The following GPA33 variants were observed in gnomAD, a reference collection of about 807,000 sequenced individuals.
GPA33 encodes cell surface A33 antigen.
Under a neutral mutation model 35.6 loss-of-function variants are expected in GPA33, and 27 were observed. The observed-to-expected ratio is 0.76, with a 90% CI of 0.56 to 1.04. GPA33 has a LOEUF of 1.04. GPA33 is among the 50% of genes least tolerant of loss of function. The pLI is 0.00. For synonymous variants in GPA33, 176 were observed against 164.0 expected, an observed-to-expected ratio of 1.07 and a Z score of -0.56; for missense variants, 428 against 411.9, an observed-to-expected ratio of 1.04 and a Z score of -0.34.
Position 167,063,647 on chromosome 1 carries a change from G to A in GPA33, c.506C>T (p.Pro169Leu), listed in dbSNP as rs747479502. The change falls in exon 4 of 7, where the codon CCA becomes CTA. Residue 169 changes from proline to leucine, a missense_variant. Transcript: ENST00000367868. Reference sequence around the variant, plus strand: ...CCTCTTCCAGCTGTACTGAGGGGTTGGTGAGCCCTCCTTTGATTGGCAGGT... The same window carrying A: ...CCTCTTCCAGCTGTACTGAGGGGTTAGTGAGCCCTCCTTTGATTGGCAGGT... The part of the protein sequence containing the change: ...QLTCQSKEGS[P>L]TPQYSWKRYN... The A allele has an allele frequency of 6.2e-7, 1 of 1,613,624 alleles. No homozygotes were observed. Among genetic ancestry groups the A allele is most frequent in the South Asian group, 1.1e-5 (1 of 91,046 alleles).
Position 167,068,770 on chromosome 1 carries a change from C to A in GPA33, c.415+152G>T, listed in dbSNP as rs1465236855. The A allele has an allele frequency of 8.1e-6, 5 of 616,600 alleles. No individual in the cohort carries two copies. The East Asian group carries it at 1.4e-4, about 17-fold the overall frequency. 38.2% of individuals were successfully genotyped at this position (616,600 alleles called of 1,614,324 possible). A position where few individuals can be genotyped will look rare whatever the true frequency, so the allele number is the denominator to read the frequency against. On this transcript the variant is annotated intron_variant, in intron 3 of 6. Coordinates refer to ENST00000367868, the MANE Select transcript of GPA33 (RefSeq NM_005814.3). ...TAGTGTTTAGTTCCAAAGGGAGGAGCGGTCCCTCTGCTGAAGACAGCCTGG... is the reference window on the plus strand; with the variant it reads ...TAGTGTTTAGTTCCAAAGGGAGGAGAGGTCCCTCTGCTGAAGACAGCCTGG...
At chr1:167,073,609 A>AGTGGTCCTGT in intron 1 of GPA33, 70 bp from the exon 2 acceptor site, 2 of 1,297,602 alleles carry the variant, frequency 1.5e-6, no homozygotes, top group Non-Finnish European at 2.2e-6. Flanking sequence ...CACTGCCCAC[A>AGTGGTCCTGT]GGACCACTGA....
Position 167,088,578 on chromosome 1 carries a change from G to T in GPA33, c.43+1667C>A, listed in dbSNP as rs74575340. ...GTGTCTGAAAACATGCCCAAGACTC[G>T]TTCTGCTGGGTGAGTTCCCCAGGGG... On this transcript the variant is annotated intron_variant, in intron 1 of 6. Transcript: ENST00000367868. Among the ~76,000 whole-genome samples, 3 of 152,144 alleles carry T rather than the reference G, an allele frequency of 2.0e-5. No individual in the cohort carries two copies. In the East Asian group the frequency reaches 5.8e-4, roughly 29 times the overall value.
Position 167,063,581 on chromosome 1 carries a change from C to A in GPA33, c.571+1G>T. The stretch of plus-strand genomic sequence containing the variant: ...GCCCGCCTTCCCTACTGCCCCCTTA[C>A]CTGGCTGGGCCAGGGGCTGCTCCTG... On this transcript the variant is annotated splice_donor_variant, in intron 4 of 6. Coordinates refer to ENST00000367868, the MANE Select transcript of GPA33 (RefSeq NM_005814.3). LOFTEE classifies it high-confidence loss of function. 2 of 1,601,572 alleles carry A rather than the reference C, an allele frequency of 1.2e-6. No individual in the cohort carries two copies. Among genetic ancestry groups the A allele is most frequent in the South Asian group, 2.2e-5 (2 of 90,014 alleles).
chr1:167,070,507 G>A (rs984068341), intron 2 of GPA33, among the ~76,000 whole-genome samples: 1 of 152,204 alleles, frequency 6.6e-6, no homozygotes, highest in African/African-American at 2.4e-5. Flanking sequence ...CGACAGCGCT[G>A]AGGTTCAAAC....
chr1:167,065,845 C>T (rs773659656), intron 3 of GPA33, among the ~76,000 whole-genome samples: 102 of 152,106 alleles, frequency 6.7e-4, no homozygotes, highest in Admixed American at 1.0e-3. Flanking sequence ...AAGTTCAAGG[C>T]CGGGCCTCAT....
At chr1:167,078,086 G>A (rs1229764327) in intron 1 of GPA33, among the ~76,000 whole-genome samples, 1 of 152,160 alleles carries the variant, frequency 6.6e-6, no homozygotes, top group Non-Finnish European at 1.5e-5. Context: ...ACAGGAGGAT[G>A]GTGTTTTCCT....
chr1:167,070,254 G>T (rs1245393881), intron 2 of GPA33, among the ~76,000 whole-genome samples: 1 of 152,348 alleles, frequency 6.6e-6, no homozygotes, highest in South Asian at 2.1e-4. Flanking sequence ...ATGGAGGTAA[G>T]TGTGTGAGTG....
In GPA33 at chr1:167,073,429, G is replaced by T. The variant is rs759768736; in HGVS notation, c.154C>A (p.Arg52=). Residue 52 remains arginine, a synonymous_variant, in exon 2 of 7, where the codon CGA becomes AGA. Coordinates refer to ENST00000367868, the MANE Select transcript of GPA33 (RefSeq NM_005814.3). The stretch of plus-strand genomic sequence containing the variant: ...TTATCCCATTGAATAAGTCCCTCTC[G>T]ACTGGAGGTGGAAGTGTGGTAGGTG... The part of the protein sequence containing the change: ...PCTYHTSTSS[R]EGLIQWDKLL... 2 of 1,613,442 alleles carry T rather than the reference G, an allele frequency of 1.2e-6. No homozygotes were observed. The highest frequency in any genetic ancestry group is 1.1e-5 in the South Asian group (1 of 91,050).
Position 167,054,453 on chromosome 1 carries a change from AGGCTT to A in GPA33, c.836_840del (p.Glu279ValfsTer2). Reference sequence around the variant, plus strand: ...CTTAGCTGCTCTGGTGGCTCCTCATAGGCTTCCCGGTTCCTGCAGGGCAGCAGGGG... The same window carrying A: ...CTTAGCTGCTCTGGTGGCTCCTCATACCCGGTTCCTGCAGGGCAGCAGGGG... On this transcript the variant is annotated frameshift_variant, in exon 7 of 7. Transcript: ENST00000367868. LOFTEE classifies it low-confidence loss of function (END_TRUNC). 1 of 1,613,960 alleles carries A rather than the reference AGGCTT, an allele frequency of 6.2e-7. No individual in the cohort carries two copies. The highest frequency in any genetic ancestry group is 8.5e-7 in the Non-Finnish European group (1 of 1,179,986).
Position 167,069,263 on chromosome 1 carries a change from A to G in GPA33, c.199-125T>C, listed in dbSNP as rs1666668844. ...AGAAGCACAGACCTGCCAACCCCTC[A>G]GAACAAATAGCTCGCATATGTGCTA... is the stretch of plus-strand genomic sequence containing the variant. On this transcript the variant is annotated intron_variant, in intron 2 of 6. Coordinates refer to ENST00000367868, the MANE Select transcript of GPA33 (RefSeq NM_005814.3). 4 of 614,466 alleles carry G rather than the reference A, an allele frequency of 6.5e-6. No individual in the cohort carries two copies. The Admixed American group carries it at 1.1e-4, about 17-fold the overall frequency. The allele number at this position is 614,466 out of a possible 1,614,324, so 38.1% of individuals were successfully genotyped here.
intron 3 of GPA33, 63 bp from the exon 4 acceptor site, chr1:167,063,800 C>T: frequency 6.3e-6 from 8 of 1,260,368 alleles, no homozygotes; most frequent in East Asian, 4.8e-5. Flanking sequence ...CAGCCACCCA[C>T]CCCTCCCCAC....
chr1:167,062,538 T>A (rs1666479855), intron 4 of GPA33, among the ~76,000 whole-genome samples: 1 of 151,554 alleles, frequency 6.6e-6, no homozygotes, highest in South Asian at 2.1e-4. Context: ...TCTTTCTTGA[T>A]CCTCAGGAGC....
intron 4 of GPA33, among the ~76,000 whole-genome samples, chr1:167,056,706 T>TGCA (rs1666285235): frequency 1.3e-3 from 1 of 752 alleles, no homozygotes. Context: ...GTGTGGTGTG[T>TGCA]GTAGTGTGTG....
At chr1:167,075,643 G>C (rs1453125244) in intron 1 of GPA33, among the ~76,000 whole-genome samples, 1 of 152,186 alleles carries the variant, frequency 6.6e-6, no homozygotes, top group Non-Finnish European at 1.5e-5. Context: ...AGTCTGGAGT[G>C]CCACAGAGGC....
intron 3 of GPA33, among the ~76,000 whole-genome samples, chr1:167,067,800 A>C (rs1309057935): frequency 6.6e-6 from 1 of 152,230 alleles, no homozygotes; most frequent in East Asian, 1.9e-4. Flanking sequence ...TAGAAAGAAA[A>C]AACGCAGAGT....
intron 4 of GPA33, among the ~76,000 whole-genome samples, chr1:167,059,475 T>TC (rs1333732688): frequency 6.6e-6 from 1 of 151,458 alleles, no homozygotes; most frequent in Non-Finnish European, 1.5e-5. Context: ...CGTTTCCGCA[T>TC]CCCCCCAACC....
In GPA33 at chr1:167,066,729, A is replaced by C. The variant is rs190715985; in HGVS notation, c.415+2193T>G. ...GAATATTCACTGGAGGAGCAGTGAT[A>C]GGGAGGGAGGGGAAACGGAACCAGT... On this transcript the variant is annotated intron_variant, in intron 3 of 6. Coordinates refer to ENST00000367868, the MANE Select transcript of GPA33 (RefSeq NM_005814.3). Among the ~76,000 whole-genome samples the C allele has an allele frequency of 3.5e-3, 532 of 152,328 alleles. 11 individuals carry two copies. The highest frequency in any genetic ancestry group is 0.031 in the Admixed American group (480 of 15,308).
intron 1 of GPA33, among the ~76,000 whole-genome samples, chr1:167,078,882 T>C (rs1666873420): frequency 6.6e-6 from 1 of 152,188 alleles, no homozygotes; most frequent in Non-Finnish European, 1.5e-5. Flanking sequence ...ATGAAATGGG[T>C]ACTTTGTTTA....
Sources: gnomAD v4.1 joint callset for allele counts (sites outside exome capture counted in the v4.1 genomes callset) on GRCh38, gnomAD v4.1.1 for gene constraint, MANE v1.5 for transcripts, NCBI Gene and HGNC (gene_info 2026-07-23, HGNC 2026-07-21) for gene names.